Variants in TMEM204 observed in about 807,000 individuals in gnomAD.
TMEM204 encodes claudin-like protein 24.
Under a neutral mutation model 19.4 loss-of-function variants are expected in TMEM204, and 15 were observed. The observed-to-expected ratio is 0.77, with a 90% CI of 0.52 to 1.19. The LOEUF is 1.19. Among genes scored for constraint, TMEM204 ranks in the 50% most tolerant of loss-of-function variants. The probability of loss-of-function intolerance (pLI) is 0.00; values close to 1 mark genes in which losing one functional copy is unlikely to be tolerated. For synonymous variants in TMEM204, 161 were observed against 146.0 expected, an observed-to-expected ratio of 1.10 and a Z score of -0.74; for missense variants, 287 against 321.2, an observed-to-expected ratio of 0.89 and a Z score of 0.81.
In TMEM204 at chr16:1,542,633, C is replaced by T. The variant is rs189463036; in HGVS notation, c.436+557C>T. Among the ~76,000 whole-genome samples the T allele has an allele frequency of 3.9e-3, 589 of 152,362 alleles. 2 individuals carry two copies. Among genetic ancestry groups the T allele is most frequent in the Non-Finnish European group, 6.0e-3 (409 of 68,024 alleles). On this transcript the variant is annotated intron_variant, in intron 2 of 2. Transcript: ENST00000566264. ...GGTCAGCGCAGGCCCTTTCCGTGAGCGGGACAAGACAGAGTGAGAACACGC... is the reference window on the plus strand; with the variant it reads ...GGTCAGCGCAGGCCCTTTCCGTGAGTGGGACAAGACAGAGTGAGAACACGC...
chr16:1,546,111 C>A (rs2032150024), intron 2 of TMEM204, among the ~76,000 whole-genome samples: 1 of 152,228 alleles, frequency 6.6e-6, no homozygotes, highest in Non-Finnish European at 1.5e-5. Context: ...TTGATTTGTG[C>A]AGATAGGCAC....
chr16:1,544,049 GCT>G (rs935110347), intron 2 of TMEM204, among the ~76,000 whole-genome samples: 3 of 135,924 alleles, frequency 2.2e-5, no homozygotes, highest in African/African-American at 8.3e-5. Context: ...ATGGAGTCTT[GCT>G]CTGTCACCCA....
chr16:1,535,644 G>A (rs1051486692), intron 1 of TMEM204, among the ~76,000 whole-genome samples: 2 of 152,176 alleles, frequency 1.3e-5, no homozygotes, highest in Non-Finnish European at 2.9e-5. Context: ...AACCCTCAGC[G>A]GGGAATGTCA....
In TMEM204 at chr16:1,534,515, C is replaced by A. The variant is rs369463643; in HGVS notation, c.240C>A (p.Ser80=). 6.2e-7 allele frequency: 1 copy of A among 1,607,250 alleles called. No homozygotes were observed. ...AHDCEALGWG[S]EAAGFQESRG... ...ACTGTGAGGCGCTGGGCTGGGGCTC[C>A]GAGGCAGCCGGCTTCCAGGAGTCCC... Residue 80 remains serine (S), a synonymous_variant, in exon 1 of 3, where the codon TCC becomes TCA. Transcript: ENST00000566264.
chr16:1,540,798 T>C (rs2031558185), intron 1 of TMEM204: 2 of 982,930 alleles, frequency 2.0e-6, no homozygotes, highest in Non-Finnish European at 1.2e-6. Flanking sequence ...CGACTTAGTT[T>C]TGGGAATCGA....
intron 1 of TMEM204, among the ~76,000 whole-genome samples, chr16:1,536,633 CAG>C (rs1394222951): frequency 6.6e-6 from 1 of 152,176 alleles, no homozygotes; most frequent in Non-Finnish European, 1.5e-5. Flanking sequence ...TATTTTAAGA[CAG>C]AGTCTTGCTC....
chr16:1,553,271 T>TCTGTCTCTCTGTGTCTCTGC lies in TMEM204; in HGVS notation c.437-1491_437-1472dup, dbSNP rs371656577. ...CTGTCTCTCTGTATCTCTCTTGGTCTCTGTCTCTCTGTGTCTCTGCCTGTC... is the reference window on the plus strand; with the variant it reads ...CTGTCTCTCTGTATCTCTCTTGGTCTCTGTCTCTCTGTGTCTCTGCCTGTCTCTCTGTGTCTCTGCCTGTC... On this transcript the variant is annotated intron_variant, in intron 2 of 2. Transcript: ENST00000566264. The surrounding 1 kb of genome is among the most constrained non-coding windows in gnomAD (Gnocchi z 4.4). The TCTGTCTCTCTGTGTCTCTGC allele has an allele frequency of 1.3e-5, 13 of 980,202 alleles. No individual in the cohort carries two copies. In the Admixed American group the frequency reaches 1.8e-4, roughly 14 times the overall value. 60.7% of individuals were successfully genotyped at this position (980,202 alleles called of 1,614,324 possible).
At position 1,533,820 on chromosome 16, in the gene TMEM204, G is replaced by A. The variant is rs920660129; in HGVS notation, c.-456G>A. Reference sequence around the variant, plus strand: ...AGGAGCTGTGAACCCGCTCCACACCGGCCACCCTGCCCGGAGCCTGGCACT... The same window carrying A: ...AGGAGCTGTGAACCCGCTCCACACCAGCCACCCTGCCCGGAGCCTGGCACT... On this transcript the variant is annotated 5_prime_UTR_variant, in exon 1 of 3. Transcript: ENST00000566264. The surrounding 1 kb of genome is among the most constrained non-coding windows in gnomAD (Gnocchi z 4.7). 9.3e-6 allele frequency: 2 copies of A among 214,732 alleles called. No individual in the cohort carries two copies. Among genetic ancestry groups the A allele is most frequent in the Middle Eastern group, 1.7e-3 (1 of 604 alleles). The allele number at this position is 214,732 out of a possible 1,614,324, so 13.3% of individuals were successfully genotyped here.
chr16:1,547,673 C>CTG (rs1596342163), intron 2 of TMEM204, among the ~76,000 whole-genome samples: 1 of 152,116 alleles, frequency 6.6e-6, no homozygotes, highest in Non-Finnish European at 1.5e-5. Context: ...AGTAGCTGGA[C>CTG]TACAGGCATG....
At position 1,534,190 on chromosome 16, in the gene TMEM204, C is replaced by T. The variant is rs1042492803; in HGVS notation, c.-86C>T. ...ATGAGTGGTGATGTCCTCTAGCCACCCCTAGCAGCGTCGGCTCTCCCTGGA... is the reference window on the plus strand; with the variant it reads ...ATGAGTGGTGATGTCCTCTAGCCACTCCTAGCAGCGTCGGCTCTCCCTGGA... On this transcript the variant is annotated 5_prime_UTR_variant, in exon 1 of 3. Coordinates refer to ENST00000566264, the MANE Select transcript of TMEM204 (RefSeq NM_024600.6). The T allele has an allele frequency of 4.2e-5, 66 of 1,555,828 alleles. 2 individuals carry two copies. In the Admixed American group the frequency reaches 7.6e-4, roughly 18 times the overall value.
chr16:1,548,344 G>A (rs774477108), intron 2 of TMEM204, among the ~76,000 whole-genome samples: 10 of 152,218 alleles, frequency 6.6e-5, no homozygotes, highest in East Asian at 5.8e-4. Context: ...CATTCCAAAA[G>A]GAAGGCCTGT....
Position 1,554,894 on chromosome 16 carries a change from A to G in TMEM204, c.549A>G (p.Ala183=). 6.2e-7 allele frequency: 1 copy of G among 1,614,260 alleles called. No individual in the cohort carries two copies. The highest frequency in any genetic ancestry group is 8.5e-7 in the Non-Finnish European group (1 of 1,180,050). ...CCTGCCTTCTGGCCACGCTGGCGGC[A>G]GCCATGCTCATCTGGAACATTCTCC... The part of the protein sequence containing the change: ...IGACLLATLA[A]AMLIWNILHK... The change falls in exon 3 of 3, where the codon GCA becomes GCG. Residue 183 remains alanine (A), a synonymous_variant. Coordinates refer to ENST00000566264, the MANE Select transcript of TMEM204 (RefSeq NM_024600.6).
chr16:1,539,670 T>C (rs189807580), intron 1 of TMEM204, among the ~76,000 whole-genome samples: 338 of 152,368 alleles, frequency 2.2e-3, no homozygotes, highest in Non-Finnish European at 4.0e-3. Context: ...CTCAGTTACG[T>C]GGCAGTGACG....
chr16:1,554,171 C>A, intron 2 of TMEM204: 1 of 1,262,334 alleles, frequency 7.9e-7, no homozygotes, highest in South Asian at 1.2e-5. Context: ...AGGCCCTGGC[C>A]CCATCTCCGC....
chr16:1,535,618 A>C (rs938029166), intron 1 of TMEM204, among the ~76,000 whole-genome samples: 1 of 152,186 alleles, frequency 6.6e-6, no homozygotes, highest in Admixed American at 6.5e-5. Flanking sequence ...CTCCATCCCC[A>C]ACCTGCCGCG....
chr16:1,542,211 G>A, intron 2 of TMEM204, 135 bp downstream of exon 2: 1 of 993,758 alleles, frequency 1.0e-6, no homozygotes, highest in South Asian at 1.8e-5. Context: ...ACAGGCCACT[G>A]AGAAGCCCCA....
upstream of TMEM204, chr16:1,530,598 G>GA (rs1277432125): frequency 6.6e-6 from 1 of 152,272 alleles, no homozygotes; most frequent in African/African-American, 2.4e-5. Flanking sequence ...AATTGCGGTG[G>GA]AAAATCACAA....
Position 1,553,198 on chromosome 16 carries a change from GTCTCTGTCTCTGTCTC to G in TMEM204, c.437-1573_437-1558del. On this transcript the variant is annotated intron_variant, in intron 2 of 2. Transcript: ENST00000566264. This position sits in a 1 kb window ranked among gnomAD's most constrained non-coding sequence, Gnocchi z 4.4. ...TTGCTCTCTGTCTCTCCTTCCCTGT[GTCTCTGTCTCTGTCTC>G]TCTCTGTCTCCATCTGTCTCTGTGT... 1.0e-6 allele frequency: 1 copy of G among 980,784 alleles called. No homozygotes were observed. Among genetic ancestry groups the G allele is most frequent in the Non-Finnish European group, 1.2e-6 (1 of 825,864 alleles). The allele number at this position is 980,784 out of a possible 1,614,324, so 60.8% of individuals were successfully genotyped here.
At chr16:1,542,280 C>T (rs1392403741) in intron 2 of TMEM204, among the ~76,000 whole-genome samples, 1 of 152,248 alleles carries the variant, frequency 6.6e-6, no homozygotes, top group African/African-American at 2.4e-5. Flanking sequence ...GAAACACACC[C>T]AGGCCAAGGA....
Sources: allele counts gnomAD v4.1 joint callset (sites outside exome capture counted in the v4.1 genomes callset), GRCh38; gene constraint gnomAD v4.1.1; non-coding constraint Gnocchi (gnomAD v3.1); transcripts MANE v1.5; gene names NCBI Gene and HGNC (gene_info 2026-07-23, HGNC 2026-07-21).